Variants in SPTBN2 observed in about 807,000 individuals in gnomAD.
SPTBN2 encodes spectrin beta, non-erythrocytic 2.
A neutral mutation model predicts 284.2 loss-of-function variants in SPTBN2; 107 were observed. The observed-to-expected ratio is 0.38, with a 90% CI of 0.32 to 0.44. SPTBN2 has a LOEUF of 0.44. SPTBN2 is among the 20% of genes least tolerant of loss of function. SPTBN2 has a pLI of 1.00. For synonymous variants in SPTBN2, 1,289 were observed against 1,354.8 expected (o/e 0.95, Z 1.07); for missense variants, 2,569 against 3,287.1 (o/e 0.78, Z 5.34).
At chr11:66,727,115 C>T (rs1030479462) in intron 1 of SPTBN2, among the ~76,000 whole-genome samples, 1 of 152,230 alleles carries the variant, frequency 6.6e-6, no homozygotes, top group African/African-American at 2.4e-5. Context: ...CCTTCCCCAA[C>T]CCGGGGTCAC....
chr11:66,715,214 T>TG lies in SPTBN2; in HGVS notation c.483+7dup. On this transcript the variant is annotated splice_region_variant and intron_variant, in intron 5 of 37. Transcript: ENST00000533211. The surrounding 1 kb of genome is among the most constrained non-coding windows in gnomAD (Gnocchi z 5.3). ...AACCACACCCTGTGTGACAGTGTGC[T>TG]GGGGTACCTGGAATCGAAGGATGAT... The TG allele has an allele frequency of 1.2e-6, 2 of 1,614,198 alleles. No individual in the cohort carries two copies. The highest frequency in any genetic ancestry group is 8.5e-7 in the Non-Finnish European group (1 of 1,180,042).
chr11:66,707,784 G>A lies in SPTBN2; in HGVS notation c.1385C>T (p.Ala462Val). ...NFGLELAAVE[A>V]AVRKHEAIET... ...AATGGCTTCGTGCTTCCGTACTGCT[G>A]CCTCGACAGCTGCCAGCTCCAGCCC... is the stretch of plus-strand genomic sequence containing the variant. Residue 462 changes from alanine (A) to valine (V), a missense_variant, in exon 13 of 38, where the codon GCA (alanine) becomes GTA (valine). Physicochemically the swap from Ala to Val is moderately conservative, Grantham distance 64. Coordinates refer to ENST00000533211, the MANE Select transcript of SPTBN2 (RefSeq NM_006946.4). The surrounding 1 kb of genome is among the most constrained non-coding windows in gnomAD (Gnocchi z 4.9). The A allele has an allele frequency of 1.9e-6, 3 of 1,609,490 alleles. No homozygotes were observed. Among genetic ancestry groups the A allele is most frequent in the Non-Finnish European group, 2.5e-6 (3 of 1,179,884 alleles).
chr11:66,733,170 A>C (rs1205287696), upstream of SPTBN2, among the ~76,000 whole-genome samples: 1 of 152,110 alleles, frequency 6.6e-6, no homozygotes, highest in Non-Finnish European at 1.5e-5. Context: ...GAGACTATTG[A>C]AAGGTTGAAA....
chr11:66,714,628 T>C (rs1441940413), intron 5 of SPTBN2, among the ~76,000 whole-genome samples: 1 of 152,180 alleles, frequency 6.6e-6, no homozygotes, highest in Non-Finnish European at 1.5e-5. Context: ...TGGGTGTGTC[T>C]GAGTGGAGGG....
In SPTBN2 at chr11:66,696,533, C is replaced by T. The variant is rs149992317; in HGVS notation, c.4022G>A (p.Arg1341Gln). The T allele has an allele frequency of 2.0e-4, 317 of 1,611,280 alleles. No homozygotes were observed. Among genetic ancestry groups the T allele is most frequent in the Non-Finnish European group, 2.4e-4 (287 of 1,180,032 alleles). ...DWLDKVDKEG[R>Q]ELTLEKPELK... ...CTCTGGCTTCTCAAGGGTGAGCTCT[C>T]GCCCTTCCTGGAAGGCAGGACAGAA... Residue 1341 changes from arginine (R) to glutamine (Q), a missense_variant, in exon 21 of 38, where the codon CGA becomes CAA. By Grantham distance (43) the Arg-to-Gln change is conservative (BLOSUM62 1). This residue lies in a region of SPTBN2 where 50 missense variants were observed against 48.1 expected (regional missense o/e 1.04). Transcript: ENST00000533211.
Position 66,691,359 on chromosome 11 carries a change from G to C in SPTBN2, c.5490C>G (p.Arg1830=). ...KQQQLPDGTG[R]DLNAAEALQR... is the part of the protein sequence containing the mutation. ...GCAGGGCCTCGGCAGCGTTGAGGTC[G>C]CGGCCAGTCCCGTCCGGAAGCTGCT... The change falls in exon 27 of 38, where the codon CGC becomes CGG. Residue 1830 remains arginine (R), a synonymous_variant. Coordinates refer to ENST00000533211, the MANE Select transcript of SPTBN2 (RefSeq NM_006946.4). The surrounding 1 kb of genome is among the most constrained non-coding windows in gnomAD (Gnocchi z 8.0). The C allele has an allele frequency of 6.3e-7, 1 of 1,581,460 alleles. No homozygotes were observed. Among genetic ancestry groups the C allele is most frequent in the Non-Finnish European group, 8.6e-7 (1 of 1,159,968 alleles).
chr11:66,737,829 A>C (rs1942864664), intron 1 of SPTBN2, among the ~76,000 whole-genome samples: 1 of 152,334 alleles, frequency 6.6e-6, no homozygotes, highest in African/African-American at 2.4e-5. Context: ...GAGAGAAGCT[A>C]ATCAGGAGAA....
Position 66,692,247 on chromosome 11 carries a change from A to T in SPTBN2, c.5190+289T>A, listed in dbSNP as rs187112316. Among the ~76,000 whole-genome samples, 1,013 of 151,870 alleles carry T rather than the reference A, an allele frequency of 6.7e-3. 12 individuals carry two copies. Among genetic ancestry groups the T allele is most frequent in the African/African-American group, 0.022 (902 of 41,374 alleles). On this transcript the variant is annotated intron_variant, in intron 26 of 37. Coordinates refer to ENST00000533211, the MANE Select transcript of SPTBN2 (RefSeq NM_006946.4). ...GGCTGTGCCTGGCTAATAAAAAAAA[A>T]TTTTTTTTGTAGAGATGGGGGGTCT...
chr11:66,686,349 G>A (rs754457295), intron 37 of SPTBN2, 49 bp downstream of exon 37: 1 of 1,610,806 alleles, frequency 6.2e-7, no homozygotes, highest in Non-Finnish European at 8.5e-7. Flanking sequence ...TCTGCAGCTG[G>A]AAGCTTCTGG....
rs186129774 is a variant in SPTBN2, at chr11:66,687,608, C to T, written c.6541G>A (p.Glu2181Lys). 48 of 1,605,692 alleles carry T rather than the reference C, an allele frequency of 3.0e-5. No homozygotes were observed. The Admixed American group carries it at 3.4e-4, about 11-fold the overall frequency. Residue 2181 changes from glutamate to lysine, a missense_variant, in exon 35 of 38, where the codon GAG becomes AAG. Physicochemically the swap from Glu to Lys is moderately conservative, Grantham distance 56 (BLOSUM62 1). Transcript: ENST00000533211. The surrounding 1 kb of genome is among the most constrained non-coding windows in gnomAD (Gnocchi z 5.2). ...GGGCCCCGAGTCCGGGTCTGCCTCT[C>T]TCCCCGGGGCCCATTGGCTTCGTCC... The part of the protein sequence containing the change: ...SGDEANGPRG[E>K]RQTRTRGPAP...
In SPTBN2 at chr11:66,692,792, C is replaced by A. The variant is rs145782008; in HGVS notation, c.4986-52G>T. 3.2e-4 allele frequency: 511 copies of A among 1,598,704 alleles called. No homozygotes were observed. In the African/African-American group the frequency reaches 6.1e-3, roughly 19 times the overall value. ...TGGGACTTAGGGGTGTAGCTCTGACCTCCGGTCTGTTCTGTGGAGCCCTGT... is the reference window on the plus strand; with the variant it reads ...TGGGACTTAGGGGTGTAGCTCTGACATCCGGTCTGTTCTGTGGAGCCCTGT... On this transcript the variant is annotated intron_variant, in intron 25 of 37. Coordinates refer to ENST00000533211, the MANE Select transcript of SPTBN2 (RefSeq NM_006946.4).
Position 66,708,827 on chromosome 11 carries a change from G to A in SPTBN2, c.1191+75C>T, listed in dbSNP as rs184814593. 2.7e-5 allele frequency: 33 copies of A among 1,231,440 alleles called. No individual in the cohort carries two copies. Among genetic ancestry groups the A allele is most frequent in the Middle Eastern group, 4.5e-4 (2 of 4,414 alleles). The allele number at this position is 1,231,440 out of a possible 1,614,324, so 76.3% of individuals were successfully genotyped here. On this transcript the variant is annotated intron_variant, in intron 11 of 37. Transcript: ENST00000533211. The surrounding 1 kb of genome is among the most constrained non-coding windows in gnomAD (Gnocchi z 4.4). ...ACTTGGTGAAGGTCGACATGGCCCC[G>A]GGTTTGGGGATGTGTGCAAGGCATC...
At position 66,700,586 on chromosome 11, in the gene SPTBN2, G is replaced by T; in HGVS notation, c.3513C>A (p.Ala1171=). ...CCCGCAGGAATCCCTGGAAGCCGTG[G>T]GCCTGGGCCAGGCGACCTTGCCGGC... The part of the protein sequence containing the change: ...WESRQGRLAQ[A]HGFQGFLRDA... Residue 1171 remains alanine (A), a synonymous_variant, in exon 17 of 38, where the codon GCC becomes GCA. Transcript: ENST00000533211. The surrounding 1 kb of genome is among the most constrained non-coding windows in gnomAD (Gnocchi z 6.6). The T allele has an allele frequency of 6.2e-7, 1 of 1,607,910 alleles. No individual in the cohort carries two copies. The highest frequency in any genetic ancestry group is 8.5e-7 in the Non-Finnish European group (1 of 1,180,006).
In SPTBN2 at chr11:66,721,230, G is replaced by A. The variant is rs749463565; in HGVS notation, c.11C>T (p.Thr4Met). ...GCTGTCAAAGTCTGTGGGTGACAGC[G>A]TGCTGCTCATGGTGGTAGGCGGCTT... is the stretch of plus-strand genomic sequence containing the variant. MSS[T>M]LSPTDFDSLE... is the part of the protein sequence containing the mutation. The change falls in exon 3 of 38, where the codon ACG (threonine) becomes ATG (methionine). Residue 4 changes from threonine to methionine, a missense_variant. Thr to Met is a moderately conservative substitution (Grantham distance 81, BLOSUM62 -1). Transcript: ENST00000533211. 11 of 1,614,068 alleles carry A rather than the reference G, an allele frequency of 6.8e-6. No individual in the cohort carries two copies. The highest frequency in any genetic ancestry group is 2.2e-5 in the East Asian group (1 of 44,896).
upstream of SPTBN2, among the ~76,000 whole-genome samples, chr11:66,732,685 G>T (rs1351749328): frequency 6.7e-6 from 1 of 149,200 alleles, no homozygotes; most frequent in East Asian, 2.0e-4. Context: ...GAGAAAAGAG[G>T]CTGCGCGCGG....
intron 3 of SPTBN2, among the ~76,000 whole-genome samples, chr11:66,720,259 G>A (rs940833055): frequency 3.3e-5 from 5 of 152,286 alleles, no homozygotes; most frequent in Non-Finnish European, 4.4e-5. Context: ...CCCTCAGACT[G>A]GGTTGGGTTG....
chr11:66,691,971 G>C lies in SPTBN2; in HGVS notation c.5191-313C>G, dbSNP rs1399837800. Among the ~76,000 whole-genome samples, 2 of 152,134 alleles carry C rather than the reference G, an allele frequency of 1.3e-5. No individual in the cohort carries two copies. Among genetic ancestry groups the C allele is most frequent in the Admixed American group, 1.3e-4 (2 of 15,276 alleles). On this transcript the variant is annotated intron_variant, in intron 26 of 37. Transcript: ENST00000533211. The surrounding 1 kb of genome is among the most constrained non-coding windows in gnomAD (Gnocchi z 8.0). The stretch of plus-strand genomic sequence containing the variant: ...GTCCAAGCCCCCAAACTGTCGGGGG[G>C]GTGGATCATACTCCGTTTTGTTGAA...
At position 66,689,188 on chromosome 11, in the gene SPTBN2, C is replaced by CG. The variant is rs745731030; in HGVS notation, c.5950-9dup. On this transcript the variant is annotated splice_polypyrimidine_tract_variant and intron_variant, in intron 29 of 37. Transcript: ENST00000533211. The stretch of plus-strand genomic sequence containing the variant: ...AGACAGCTTCTCTGAGATCTGGGGG[C>CG]GGGGGGCAGAGATATGAGTTAGCAC... 5 of 1,599,188 alleles carry CG rather than the reference C, an allele frequency of 3.1e-6. No individual in the cohort carries two copies. Among genetic ancestry groups the CG allele is most frequent in the Non-Finnish European group, 4.3e-6 (5 of 1,171,792 alleles).
rs199595585 is a variant in SPTBN2 at position 66,693,476 on chromosome 11, G to T, written c.4594-30C>A. 34 of 1,588,052 alleles carry T rather than the reference G, an allele frequency of 2.1e-5. No homozygotes were observed. Among genetic ancestry groups the T allele is most frequent in the Non-Finnish European group, 2.7e-5 (32 of 1,175,090 alleles). On this transcript the variant is annotated intron_variant, in intron 23 of 37. Transcript: ENST00000533211. This position sits in a 1 kb window ranked among gnomAD's most constrained non-coding sequence, Gnocchi z 5.7. Reference sequence around the variant, plus strand: ...CCATGGCCACAGAAGAGAAAATGCTGAAAGTCCTGCCCCAGCCCCACGTGC... The same window carrying T: ...CCATGGCCACAGAAGAGAAAATGCTTAAAGTCCTGCCCCAGCCCCACGTGC...
Sources: allele counts gnomAD v4.1 joint callset (sites outside exome capture counted in the v4.1 genomes callset), GRCh38; gene constraint gnomAD v4.1.1; regional missense constraint gnomAD v4.1.1; non-coding constraint Gnocchi (gnomAD v3.1); transcripts MANE v1.5; gene names NCBI Gene and HGNC (gene_info 2026-07-23, HGNC 2026-07-21).